Variants in CTNNAL1 observed in about 807,000 individuals in gnomAD.
The protein encoded by CTNNAL1 is catenin alpha like 1.
CTNNAL1 carries 69 observed loss-of-function variants against 93.6 expected under a neutral mutation model. The observed-to-expected ratio is 0.74, with a 90% CI of 0.61 to 0.90. The LOEUF (loss-of-function observed/expected upper bound fraction) is 0.90, where lower values mean the gene tolerates loss of function less well. CTNNAL1 is among the 40% of genes least tolerant of loss of function. CTNNAL1 has a pLI of 0.00. For missense variants in CTNNAL1, 836 were observed against 862.0 expected (o/e 0.97, Z 0.38); for synonymous variants, 286 against 305.4 (o/e 0.94, Z 0.66).
intron 15 of CTNNAL1, 77 bp downstream of exon 15, chr9:108,948,109 A>T: frequency 6.7e-7 from 1 of 1,486,642 alleles, no homozygotes; most frequent in Non-Finnish European, 9.3e-7. Flanking sequence ...ATGATATAAT[A>T]AATCATCTGG....
chr9:109,010,794 T>C (rs1352624596), intron 1 of CTNNAL1, among the ~76,000 whole-genome samples: 1 of 152,244 alleles, frequency 6.6e-6, no homozygotes, highest in African/African-American at 2.4e-5. Flanking sequence ...AGAAACTGTC[T>C]ACTTTAAACC....
chr9:108,977,787 T>C (rs1831306416), intron 7 of CTNNAL1, among the ~76,000 whole-genome samples: 1 of 152,150 alleles, frequency 6.6e-6, no homozygotes, highest in South Asian at 2.1e-4. Context: ...TCCCTAAATA[T>C]AAATTTGTCC....
At chr9:108,975,818 G>A (rs781066178) in intron 8 of CTNNAL1, among the ~76,000 whole-genome samples, 1 of 152,140 alleles carries the variant, frequency 6.6e-6, no homozygotes, top group Non-Finnish European at 1.5e-5. Flanking sequence ...CAGATGGGCA[G>A]CATTGTGTCC....
intron 8 of CTNNAL1, among the ~76,000 whole-genome samples, chr9:108,973,274 G>A (rs1006511860): frequency 4.6e-5 from 7 of 152,126 alleles, no homozygotes; most frequent in Admixed American, 2.6e-4. Flanking sequence ...AGTATTAAGA[G>A]TATTAAGAGT....
chr9:108,948,319 G>A, intron 14 of CTNNAL1, 85 bp from the exon 15 acceptor site: 2 of 1,299,712 alleles, frequency 1.5e-6, no homozygotes, highest in Non-Finnish European at 2.1e-6. Flanking sequence ...TAGAGCATTT[G>A]TGTATTAACA....
At chr9:108,972,967 C>T (rs1454941866) in intron 8 of CTNNAL1, 134 bp from the exon 9 acceptor site, 20 of 1,110,150 alleles carry the variant, frequency 1.8e-5, no homozygotes, top group East Asian at 2.6e-5. Flanking sequence ...AAAGAGAAGC[C>T]GCAAAGCAGT....
At chr9:108,975,608 G>A (rs1288618604) in intron 8 of CTNNAL1, among the ~76,000 whole-genome samples, 1 of 152,152 alleles carries the variant, frequency 6.6e-6, no homozygotes, top group Admixed American at 6.5e-5. Context: ...GGAAAACAGG[G>A]AACAGGGGAG....
chr9:108,970,953 G>C (rs1050138563), intron 9 of CTNNAL1, among the ~76,000 whole-genome samples: 2 of 152,134 alleles, frequency 1.3e-5, no homozygotes, highest in Non-Finnish European at 2.9e-5. Context: ...AGGCAGACTG[G>C]TATAATAAGG....
chr9:109,009,539 T>C (rs1827146624), intron 1 of CTNNAL1, among the ~76,000 whole-genome samples: 1 of 152,208 alleles, frequency 6.6e-6, no homozygotes, highest in African/African-American at 2.4e-5. Context: ...GGTTTTCTAT[T>C]CTGTATCACA....
Position 108,943,979 on chromosome 9 carries a change from G to T in CTNNAL1, c.1924C>A (p.Gln642Lys). The T allele has an allele frequency of 1.2e-6, 2 of 1,613,712 alleles. No homozygotes were observed. Among genetic ancestry groups the T allele is most frequent in the South Asian group, 2.2e-5 (2 of 90,936 alleles). ...TGTGTTACCTGTTTTGAAAAAGCTTGAACACTGGAAGTAAGCTTTAAACCC... is the reference window on the plus strand; with the variant it reads ...TGTGTTACCTGTTTTGAAAAAGCTTTAACACTGGAAGTAAGCTTTAAACCC... ...AEGLKLTSSV[Q>K]AFSKQLKDDD... Residue 642 changes from glutamine to lysine, a missense_variant, in exon 16 of 19, where the codon CAA becomes AAA. By Grantham distance (53) the Gln-to-Lys change is moderately conservative (BLOSUM62 1). Transcript: ENST00000325551.
intron 3 of CTNNAL1, 39 bp from the exon 4 acceptor site, chr9:108,990,884 A>G (rs369664607): frequency 5.7e-6 from 9 of 1,582,744 alleles, no homozygotes; most frequent in African/African-American, 1.4e-5. Context: ...GGTGAGAGCT[A>G]CTCAAGAGAC....
intron 1 of CTNNAL1, among the ~76,000 whole-genome samples, chr9:109,004,798 T>C (rs189033352): frequency 6.6e-6 from 1 of 151,362 alleles, no homozygotes; most frequent in African/African-American, 2.4e-5. Flanking sequence ...AAAAAATAAA[T>C]AAATAAATAA....
At chr9:108,988,147 G>A (rs1357753579) in intron 4 of CTNNAL1, among the ~76,000 whole-genome samples, 14 of 152,098 alleles carry the variant, frequency 9.2e-5, no homozygotes, top group African/African-American at 2.4e-5. Flanking sequence ...GCAGTGGCGT[G>A]ATCTCAGCTC....
intron 11 of CTNNAL1, among the ~76,000 whole-genome samples, chr9:108,957,894 G>A (rs923049835): frequency 4.0e-5 from 6 of 151,202 alleles, no homozygotes; most frequent in African/African-American, 1.5e-4. Context: ...AAGGCAAGTG[G>A]ATCACCCAAG....
chr9:108,985,272 T>C (rs1305447540), intron 4 of CTNNAL1, among the ~76,000 whole-genome samples: 1 of 152,212 alleles, frequency 6.6e-6, no homozygotes, highest in East Asian at 1.9e-4. Flanking sequence ...CATTGTAGTG[T>C]GAAAGCAAAC....
intron 8 of CTNNAL1, 31 bp from the exon 9 acceptor site, chr9:108,972,864 G>GGGGGGGGGGGGGCCCCCCCC: frequency 9.8e-5 from 14 of 142,454 alleles, no homozygotes; most frequent in Admixed American, 2.0e-4. Flanking sequence ...GGGGGGGTGG[G>GGGGGGGGGGGGGCCCCCCCC]AGGGTGGAGA....
At chr9:108,985,350 T>C (rs771719880) in intron 4 of CTNNAL1, among the ~76,000 whole-genome samples, 1 of 152,228 alleles carries the variant, frequency 6.6e-6, no homozygotes, top group Non-Finnish European at 1.5e-5. Flanking sequence ...ACATTGAAAT[T>C]TGAATTACAT....
At chr9:109,006,392 T>C (rs947322262) in intron 1 of CTNNAL1, among the ~76,000 whole-genome samples, 3 of 152,180 alleles carry the variant, frequency 2.0e-5, no homozygotes, top group Admixed American at 1.3e-4. Flanking sequence ...AATCTGAAAT[T>C]TGAAGAAGTT....
At chr9:109,008,152 CT>C (rs149753320) in intron 1 of CTNNAL1, among the ~76,000 whole-genome samples, 17,148 of 85,746 alleles carry the variant, frequency 0.2, 482 homozygotes, top group Admixed American at 0.29. Context: ...ATCCATCTTT[CT>C]TTTTTTTTTT....
Sources: allele counts gnomAD v4.1 joint callset (sites outside exome capture counted in the v4.1 genomes callset), GRCh38; gene constraint gnomAD v4.1.1; transcripts MANE v1.5; gene names NCBI Gene and HGNC (gene_info 2026-07-23, HGNC 2026-07-21).